Variants in GRAMD1A observed in about 807,000 individuals in gnomAD.
GRAMD1A encodes the protein protein Aster-A.
In GRAMD1A, 50 loss-of-function variants were observed where a neutral mutation model predicts 92.0. That is an observed-to-expected ratio of 0.54 (90% confidence interval 0.43 to 0.69). The LOEUF (loss-of-function observed/expected upper bound fraction) is 0.69. Ranked by LOEUF, GRAMD1A falls within the 30% of genes least tolerant of loss-of-function variation. GRAMD1A has a pLI of 0.00. For missense variants in GRAMD1A, 819 were observed against 978.9 expected (o/e 0.84, Z 2.18); for synonymous variants, 405 against 403.6 (o/e 1.00, Z -0.04).
chr19:35,023,636 TC>T, intron 19 of GRAMD1A, 89 bp downstream of exon 19: 1 of 1,275,256 alleles, frequency 7.8e-7, no homozygotes, highest in Non-Finnish European at 1.1e-6. Flanking sequence ...ACTTCCCCTC[TC>T]CGGATCTCAG....
chr19:35,007,923 G>A (rs912740782), intron 1 of GRAMD1A, among the ~76,000 whole-genome samples: 4 of 152,092 alleles, frequency 2.6e-5, no homozygotes, highest in Admixed American at 6.6e-5. Flanking sequence ...AATGAGAGAT[G>A]AAGAAAATAA....
chr19:34,997,563 G>C (rs141990848), upstream of GRAMD1A, among the ~76,000 whole-genome samples: 45 of 152,300 alleles, frequency 3.0e-4, no homozygotes, highest in East Asian at 8.3e-3. Context: ...AGCCACTGTG[G>C]TTTCTTCCAA....
At chr19:35,023,654 C>T in intron 19 of GRAMD1A, 107 bp downstream of exon 19, 1 of 1,109,808 alleles carries the variant, frequency 9.0e-7, no homozygotes, top group Non-Finnish European at 1.2e-6. Context: ...TCAGTGTCCT[C>T]CTCTGTAAAA....
intron 11 of GRAMD1A, among the ~76,000 whole-genome samples, chr19:35,016,996 A>T (rs1336252407): frequency 6.7e-6 from 1 of 150,078 alleles, no homozygotes; most frequent in Non-Finnish European, 1.5e-5. Flanking sequence ...ACATAATGAG[A>T]CTCAGTCTTT....
intron 4 of GRAMD1A, 23 bp from the exon 5 acceptor site, chr19:35,010,069 C>G (rs780925719): frequency 8.4e-6 from 13 of 1,552,040 alleles, no homozygotes; most frequent in Non-Finnish European, 1.2e-5. Context: ...GGGTGTCCTC[C>G]TGTCTCTCCC....
intron 17 of GRAMD1A, 50 bp from the exon 18 acceptor site, chr19:35,023,186 T>G (rs778713301): frequency 7.5e-7 from 1 of 1,330,900 alleles, no homozygotes; most frequent in Non-Finnish European, 1.1e-6. Flanking sequence ...TTTGGGGGTG[T>G]TCAGAGCATC....
At chr19:34,995,580 T>G (rs867567139), upstream of GRAMD1A, among the ~76,000 whole-genome samples, 38 of 122,066 alleles carry the variant, frequency 3.1e-4, no homozygotes, top group Non-Finnish European at 3.5e-4. Context: ...GGTTTTTTTT[T>G]TTTTTTTTTT....
intron 1 of GRAMD1A, among the ~76,000 whole-genome samples, chr19:35,005,217 G>T (rs528077883): frequency 7.0e-6 from 1 of 142,454 alleles, no homozygotes; most frequent in South Asian, 2.3e-4. Context: ...TGGGGGTGGG[G>T]AGAGAAGGAT....
Position 35,022,047 on chromosome 19 carries a change from G to T in GRAMD1A, c.1841+9G>T, listed in dbSNP as rs1207955570. On this transcript the variant is annotated intron_variant, in intron 16 of 19. Transcript: ENST00000317991. ...GTTCTCATCAGCATTGTGTGAGTAA[G>T]AGACAGGAGCAGTGGCCACACAGGC... is the stretch of plus-strand genomic sequence containing the variant. The T allele has an allele frequency of 1.9e-6, 3 of 1,606,028 alleles. No homozygotes were observed. Among genetic ancestry groups the T allele is most frequent in the Middle Eastern group, 3.3e-4 (2 of 6,058 alleles).
rs2016022430 is a variant in GRAMD1A at position 35,021,147 on chromosome 19, TGAGCTGAGCCCATGTG to T, written c.1476-348_1476-333del. Reference sequence around the variant, plus strand: ...CAGTTTGGGACTCAGCTGTCTATGTTGAGCTGAGCCCATGTGGAGCTGGGGTGCAGCAGCCGAATGG... The same window carrying T: ...CAGTTTGGGACTCAGCTGTCTATGTTGAGCTGGGGTGCAGCAGCCGAATGG... On this transcript the variant is annotated intron_variant, in intron 13 of 19. Coordinates refer to ENST00000317991, the MANE Select transcript of GRAMD1A (RefSeq NM_020895.5). The surrounding 1 kb of genome is among the most constrained non-coding windows in gnomAD (Gnocchi z 5.3). 6.6e-6 allele frequency among the ~76,000 whole-genome samples: 1 copy of T among 152,178 alleles called. No individual in the cohort carries two copies. Among genetic ancestry groups the T allele is most frequent in the Non-Finnish European group, 1.5e-5 (1 of 68,038 alleles).
intron 11 of GRAMD1A, among the ~76,000 whole-genome samples, chr19:35,017,466 AAG>A (rs1464750518): frequency 6.6e-6 from 1 of 151,908 alleles, no homozygotes; most frequent in Non-Finnish European, 1.5e-5. Context: ...AAAAGAAACA[AAG>A]AGAAACTCCC....
rs375535357 is a variant in GRAMD1A at position 35,015,828 on chromosome 19, C to G, written c.1074C>G (p.Asp358Glu). The G allele has an allele frequency of 4.2e-5, 67 of 1,613,582 alleles. No homozygotes were observed. The highest frequency in any genetic ancestry group is 5.3e-5 in the Non-Finnish European group (62 of 1,179,830). The stretch of plus-strand genomic sequence containing the variant: ...TCGGCTCTCCTCTGTCTCCAGCGGA[C>G]TTGGCTGCCCTGCTTCCCGACCTCT... ...NSSSSTGEEA[D>E]LAALLPDLSG... Residue 358 changes from aspartate to glutamate, a missense_variant, in exon 11 of 20, where the codon GAC becomes GAG. Asp to Glu is a conservative substitution (Grantham distance 45). Transcript: ENST00000317991.
chr19:34,995,570 G>GTTTTTTTTTTTTTTTT (rs1173583059), upstream of GRAMD1A, among the ~76,000 whole-genome samples: 4 of 80,982 alleles, frequency 4.9e-5, 1 homozygote, highest in African/African-American at 1.4e-4. Context: ...TCAGATCACG[G>GTTTTTTTTTTTTTTTT]GTTTTTTTTT....
rs1178313670 is a variant in GRAMD1A, at chr19:35,023,659, G to A, written c.2082+112G>A. On this transcript the variant is annotated intron_variant, in intron 19 of 19. Coordinates refer to ENST00000317991, the MANE Select transcript of GRAMD1A (RefSeq NM_020895.5). ...TCTCCGGATCTCAGTGTCCTCCTCT[G>A]TAAAATGAGGAAGCCGCTCAGAGTC... 7.6e-6 allele frequency: 8 copies of A among 1,047,086 alleles called. No individual in the cohort carries two copies. The East Asian group carries it at 2.1e-4, about 28-fold the overall frequency. The allele number at this position is 1,047,086 out of a possible 1,614,324, so 64.9% of individuals were successfully genotyped here. A position where few individuals can be genotyped will look rare whatever the true frequency, so the allele number is the denominator to read the frequency against.
At position 35,026,284 on chromosome 19, in the gene GRAMD1A, A is replaced by ACCACGGAATCC. The variant is rs201983800; in HGVS notation, c.*151_*152insTCCCCACGGAA. ...AACCAGGGGCTGTGCAGACGTGGGG[A>ACCACGGAATCC]CCACGGAACCGAGATGCACTTTAGA... On this transcript the variant is annotated 3_prime_UTR_variant, in exon 20 of 20. Transcript: ENST00000317991. 9,077 of 608,732 alleles carry ACCACGGAATCC rather than the reference A, an allele frequency of 0.015. 214 individuals are homozygous for ACCACGGAATCC. The highest frequency in any genetic ancestry group is 0.069 in the Admixed American group (2,641 of 38,380). 37.7% of individuals were successfully genotyped at this position (608,732 alleles called of 1,614,324 possible). A position where few individuals can be genotyped will look rare whatever the true frequency, so the allele number is the denominator to read the frequency against.
Position 35,014,330 on chromosome 19 carries a change from C to G in GRAMD1A, c.1012C>G (p.Pro338Ala), listed in dbSNP as rs778469767. ...CACCCTGGGCCCCTTGGATCTGCTG[C>G]CCAGTGAGGAGCTATTGACAGACAC... ...PTTLGPLDLL[P>A]SEELLTDTSN... is the part of the protein sequence containing the mutation. Residue 338 changes from proline (P) to alanine (A), a missense_variant, in exon 10 of 20, where the codon CCC (proline) becomes GCC (alanine). Around this residue, in one of 3 missense-constraint regions of GRAMD1A, gnomAD observed 577 missense variants for 674.6 expected, o/e 0.86. Transcript: ENST00000317991. 1 of 1,614,168 alleles carries G rather than the reference C, an allele frequency of 6.2e-7. No homozygotes were observed. The highest frequency in any genetic ancestry group is 1.1e-5 in the South Asian group (1 of 91,088).
chr19:35,006,957 A>C (rs2014865681), intron 1 of GRAMD1A, among the ~76,000 whole-genome samples: 1 of 152,178 alleles, frequency 6.6e-6, no homozygotes, highest in Non-Finnish European at 1.5e-5. Context: ...GAGGGACTAC[A>C]AATGTGGAGG....
rs113451702 is a variant in GRAMD1A at position 35,003,692 on chromosome 19, C to T, written c.8+3206C>T. ...GTGGTCCTGCTGCTTAGGAGTCTCT[C>T]CCTGCTCACCAGTGCTGTCTGGGTG... On this transcript the variant is annotated intron_variant, in intron 1 of 19. Coordinates refer to ENST00000317991, the MANE Select transcript of GRAMD1A (RefSeq NM_020895.5). 3.3e-3 allele frequency among the ~76,000 whole-genome samples: 507 copies of T among 152,308 alleles called. 1 individual carries two copies. Among genetic ancestry groups the T allele is most frequent in the Admixed American group, 5.6e-3 (86 of 15,288 alleles).
At chr19:35,025,203 G>A (rs2016344306) in intron 19 of GRAMD1A, 1 of 152,242 alleles carries the variant, frequency 6.6e-6, no homozygotes, top group African/African-American at 2.4e-5. Flanking sequence ...CAGCTGGGCT[G>A]TTCTAGGTTT....
Sources: gnomAD v4.1 joint callset for allele counts (sites outside exome capture counted in the v4.1 genomes callset) on GRCh38, gnomAD v4.1.1 for gene constraint, gnomAD v4.1.1 regional missense constraint, Gnocchi (gnomAD v3.1) non-coding constraint, MANE v1.5 for transcripts, NCBI Gene and HGNC (gene_info 2026-07-23, HGNC 2026-07-21) for gene names.